The following MAPKAPK2 variants were observed in gnomAD, a reference collection of about 807,000 sequenced individuals.
The protein encoded by MAPKAPK2 is MAP kinase-activated protein kinase 2.
MAPKAPK2 carries 9 observed loss-of-function variants against 48.8 expected under a neutral mutation model. The ratio of observed to expected loss-of-function variants is 0.18; its 90% CI spans 0.11 to 0.32. The LOEUF (loss-of-function observed/expected upper bound fraction) is 0.32, where lower values mean the gene tolerates loss of function less well. Among genes scored for constraint, MAPKAPK2 ranks in the 10% least tolerant of loss-of-function variants. The probability of loss-of-function intolerance (pLI) is 1.00; values close to 1 mark genes in which losing one functional copy is unlikely to be tolerated. For synonymous variants in MAPKAPK2, 202 were observed against 190.6 expected (o/e 1.06, Z -0.49); for missense variants, 331 against 498.3 (o/e 0.66, Z 3.20).
rs1672238660 is a variant in MAPKAPK2 at position 206,685,225 on chromosome 1, G to A, written c.-5G>A. 1.1e-5 allele frequency: 5 copies of A among 437,548 alleles called. No individual in the cohort carries two copies. The Admixed American group carries it at 1.4e-4, about 13-fold the overall frequency. The allele number at this position is 437,548 out of a possible 1,614,324, so 27.1% of individuals were successfully genotyped here. ...CCCGCCTGTGCCCCGGCGTCCCCGG[G>A]CACCATGCTGTCCAACTCCCAGGGC... On this transcript the variant is annotated 5_prime_UTR_variant, in exon 1 of 10. Coordinates refer to ENST00000367103, the MANE Select transcript of MAPKAPK2 (RefSeq NM_032960.4).
chr1:206,729,144 GT>G (rs782325246), intron 3 of MAPKAPK2, 45 bp downstream of exon 3: 1 of 1,596,066 alleles, frequency 6.3e-7, no homozygotes, highest in Non-Finnish European at 8.6e-7. Context: ...AGGCAGGGCA[GT>G]GGGGGTCTGA....
rs1672891075 is a variant in MAPKAPK2 at position 206,704,430 on chromosome 1, T to C, written c.279+18922T>C. Among the ~76,000 whole-genome samples the C allele has an allele frequency of 6.6e-6, 1 of 152,194 alleles. No homozygotes were observed. Among genetic ancestry groups the C allele is most frequent in the Non-Finnish European group, 1.5e-5 (1 of 68,038 alleles). On this transcript the variant is annotated intron_variant, in intron 1 of 9. Coordinates refer to ENST00000367103, the MANE Select transcript of MAPKAPK2 (RefSeq NM_032960.4). The surrounding 1 kb of genome is among the most constrained non-coding windows in gnomAD (Gnocchi z 4.3). ...TGGCTCAGCTCACCCAGACCATGTG[T>C]GATGGTTATGGTGGTGACTTCTCAC...
At chr1:206,693,107 C>G (rs746851693) in intron 1 of MAPKAPK2, among the ~76,000 whole-genome samples, 7 of 152,102 alleles carry the variant, frequency 4.6e-5, no homozygotes, top group Admixed American at 3.9e-4. Flanking sequence ...GGGAGAAGAT[C>G]GAGTTGTTCG....
chr1:206,685,270 T>TGCCC lies in MAPKAPK2; in HGVS notation c.41_42insGCCC (p.Phe14LeufsTer50). 10 of 566,948 alleles carry TGCCC rather than the reference T, an allele frequency of 1.8e-5. No homozygotes were observed. Among genetic ancestry groups the TGCCC allele is most frequent in the East Asian group, 5.3e-5 (1 of 18,722 alleles). The allele number at this position is 566,948 out of a possible 1,614,324, so 35.1% of individuals were successfully genotyped here. On this transcript the variant is annotated frameshift_variant, in exon 1 of 10. Transcript: ENST00000367103. LOFTEE classifies it high-confidence loss of function. ...CAGGGCCAGAGCCCGCCGGTGCCGTTCCCCGCCCCGGCCCCGCCGCCGCAG... is the reference window on the plus strand; with the variant it reads ...CAGGGCCAGAGCCCGCCGGTGCCGTTGCCCCCCCGCCCCGGCCCCGCCGCCGCAG...
intron 1 of MAPKAPK2, among the ~76,000 whole-genome samples, chr1:206,712,266 A>G (rs1233572261): frequency 6.6e-6 from 1 of 152,240 alleles, no homozygotes; most frequent in Non-Finnish European, 1.5e-5. Context: ...GTTATTATTC[A>G]CTAAATAACA....
intron 1 of MAPKAPK2, among the ~76,000 whole-genome samples, chr1:206,723,762 T>C (rs1673616625): frequency 1.3e-5 from 2 of 152,326 alleles, no homozygotes; most frequent in South Asian, 4.1e-4. Context: ...GTCCTGTCCT[T>C]CTTCCCCTCA....
intron 1 of MAPKAPK2, among the ~76,000 whole-genome samples, chr1:206,713,314 G>A (rs1553429825): frequency 6.6e-6 from 1 of 152,200 alleles, no homozygotes; most frequent in Admixed American, 6.5e-5. Context: ...TCTTACAGAC[G>A]TGAAGTCATG....
At chr1:206,721,354 G>A (rs1245108663) in intron 1 of MAPKAPK2, among the ~76,000 whole-genome samples, 10 of 152,104 alleles carry the variant, frequency 6.6e-5, no homozygotes, top group South Asian at 2.1e-4. Flanking sequence ...CCAGTCTCAG[G>A]TATTTCTTAA....
intron 1 of MAPKAPK2, among the ~76,000 whole-genome samples, chr1:206,705,412 T>C (rs1056506628): frequency 1.8e-4 from 27 of 152,192 alleles, no homozygotes; most frequent in African/African-American, 6.5e-4. Flanking sequence ...TGGGGTTGCA[T>C]GAGTAGACAC....
chr1:206,692,594 G>A (rs539697888), intron 1 of MAPKAPK2, among the ~76,000 whole-genome samples: 142 of 152,314 alleles, frequency 9.3e-4, no homozygotes, highest in Non-Finnish European at 1.7e-3. Flanking sequence ...GGCAGTGAAA[G>A]GTTCTTGGGG....
In MAPKAPK2 at chr1:206,728,701, G is replaced by T; in HGVS notation, c.280-9G>T. On this transcript the variant is annotated splice_polypyrimidine_tract_variant and intron_variant, in intron 1 of 9. Coordinates refer to ENST00000367103, the MANE Select transcript of MAPKAPK2 (RefSeq NM_032960.4). ...AGCGCAGTTACTCAGAAAGCTGTTTGGCCTGCAGATGCTTCAGGACTGCCC... is the reference window on the plus strand; with the variant it reads ...AGCGCAGTTACTCAGAAAGCTGTTTTGCCTGCAGATGCTTCAGGACTGCCC... 6.2e-7 allele frequency: 1 copy of T among 1,612,670 alleles called. No homozygotes were observed. Among genetic ancestry groups the T allele is most frequent in the South Asian group, 1.1e-5 (1 of 90,856 alleles).
intron 1 of MAPKAPK2, chr1:206,695,873 G>A (rs1396070965): frequency 8.9e-6 from 5 of 558,828 alleles, no homozygotes; most frequent in Admixed American, 3.1e-5. Flanking sequence ...TGCTGTCAGA[G>A]GGGTTGGGAG....
intron 1 of MAPKAPK2, among the ~76,000 whole-genome samples, chr1:206,693,677 GC>G (rs1672524248): frequency 6.6e-6 from 1 of 152,194 alleles, no homozygotes; most frequent in African/African-American, 2.4e-5. Context: ...TGCTAGGACA[GC>G]CCCACATGGG....
intron 1 of MAPKAPK2, chr1:206,695,806 G>T: frequency 1.1e-5 from 3 of 280,926 alleles, no homozygotes; most frequent in East Asian, 8.1e-5. Flanking sequence ...ATTTATTAAC[G>T]GAAAATATTT....
Position 206,685,267 on chromosome 1 carries a change from C to G in MAPKAPK2, c.38C>G (p.Pro13Arg), listed in dbSNP as rs1246509011. 1.5e-6 allele frequency: 1 copy of G among 646,656 alleles called. No homozygotes were observed. Among genetic ancestry groups the G allele is most frequent in the Non-Finnish European group, 2.3e-6 (1 of 442,434 alleles). The allele number at this position is 646,656 out of a possible 1,614,324, so 40.1% of individuals were successfully genotyped here. The change falls in exon 1 of 10, where the codon CCG becomes CGG. Residue 13 changes from proline to arginine, a missense_variant. Coordinates refer to ENST00000367103, the MANE Select transcript of MAPKAPK2 (RefSeq NM_032960.4). Reference sequence around the variant, plus strand: ...TCCCAGGGCCAGAGCCCGCCGGTGCCGTTCCCCGCCCCGGCCCCGCCGCCG... The same window carrying G: ...TCCCAGGGCCAGAGCCCGCCGGTGCGGTTCCCCGCCCCGGCCCCGCCGCCG... ...SNSQGQSPPV[P>R]FPAPAPPPQP...
Position 206,729,060 on chromosome 1 carries a change from C to T in MAPKAPK2, c.445C>T (p.Arg149Ter), listed in dbSNP as rs1673811124. The change falls in exon 3 of 10, where the codon CGA becomes TGA. Residue 149 changes from arginine (R) to a stop codon, truncating the protein, a stop_gained. Coordinates refer to ENST00000367103, the MANE Select transcript of MAPKAPK2 (RefSeq NM_032960.4). LOFTEE classifies it high-confidence loss of function. ...ECLDGGELFSRIQDRGDQAFT... is the reference protein window; with the variant it reads ...ECLDGGELFS ...TTTGGACGGTGGAGAACTCTTTAGC[C>T]GAATCCAGGATCGAGGAGACCAGGC... The T allele has an allele frequency of 6.2e-7, 1 of 1,614,118 alleles. No individual in the cohort carries two copies. Among genetic ancestry groups the T allele is most frequent in the Non-Finnish European group, 8.5e-7 (1 of 1,180,016 alleles).
At chr1:206,692,964 T>A (rs1346324573) in intron 1 of MAPKAPK2, among the ~76,000 whole-genome samples, 3 of 152,170 alleles carry the variant, frequency 2.0e-5, no homozygotes, top group African/African-American at 7.2e-5. Context: ...TCCATGAAGA[T>A]TCTTTTGAAC....
intron 1 of MAPKAPK2, among the ~76,000 whole-genome samples, chr1:206,706,752 G>A (rs1672972052): frequency 6.6e-6 from 1 of 152,202 alleles, no homozygotes; most frequent in South Asian, 2.1e-4. Flanking sequence ...ATTTTTTCTT[G>A]CCCGTGGGTG....
chr1:206,688,168 C>T (rs1553425817), intron 1 of MAPKAPK2, among the ~76,000 whole-genome samples: 1 of 152,222 alleles, frequency 6.6e-6, no homozygotes, highest in African/African-American at 2.4e-5. Context: ...CTGAGTCATG[C>T]TTCCAGTCAG....
Sources: gnomAD v4.1 joint callset for allele counts (sites outside exome capture counted in the v4.1 genomes callset) on GRCh38, gnomAD v4.1.1 for gene constraint, Gnocchi (gnomAD v3.1) non-coding constraint, MANE v1.5 for transcripts, NCBI Gene and HGNC (gene_info 2026-07-23, HGNC 2026-07-21) for gene names.